SLC45A1: variants seen among roughly 807,000 people sequenced by gnomAD.
The protein encoded by SLC45A1 is proton-associated sugar transporter A.
SLC45A1 carries 28 observed loss-of-function variants against 57.6 expected under a neutral mutation model. That is an observed-to-expected ratio of 0.49 (90% CI 0.36 to 0.67). The LOEUF is 0.67. Ranked by LOEUF, SLC45A1 falls within the 30% of genes least tolerant of loss-of-function variation. The probability of loss-of-function intolerance (pLI) is 0.00; values close to 1 mark genes in which losing one functional copy is unlikely to be tolerated. For missense variants in SLC45A1, 814 were observed against 1,041.5 expected (o/e 0.78, Z 3.01); for synonymous variants, 459 against 471.5 (o/e 0.97, Z 0.34).
intron 8 of SLC45A1, among the ~76,000 whole-genome samples, chr1:8,342,444 C>T (rs1012085938): frequency 3.2e-4 from 49 of 152,178 alleles, no homozygotes; most frequent in African/African-American, 1.1e-3. Flanking sequence ...CCCACTCTCC[C>T]AGGCCTAGGT....
chr1:8,324,774 A>G (rs767247073), intron 2 of SLC45A1, 48 bp downstream of exon 2: 1 of 1,501,740 alleles, frequency 6.7e-7, no homozygotes, highest in South Asian at 1.3e-5. Flanking sequence ...GGAAGCCTCC[A>G]GAAGCCTCAT....
intron 8 of SLC45A1, among the ~76,000 whole-genome samples, chr1:8,340,403 C>T (rs942694457): frequency 3.9e-5 from 6 of 152,114 alleles, no homozygotes; most frequent in Non-Finnish European, 8.8e-5. Flanking sequence ...ACCTCATGAT[C>T]CGCCCGCCTC....
At chr1:8,336,691 T>C (rs1640620944) in intron 6 of SLC45A1, among the ~76,000 whole-genome samples, 1 of 152,172 alleles carries the variant, frequency 6.6e-6, no homozygotes, top group Admixed American at 6.5e-5. Context: ...GTTAAATATA[T>C]TAGGGTGCAC....
At chr1:8,318,757 A>G (rs1639902549) in intron 1 of SLC45A1, among the ~76,000 whole-genome samples, 2 of 152,198 alleles carry the variant, frequency 1.3e-5, no homozygotes, top group Non-Finnish European at 2.9e-5. Flanking sequence ...CATGTTTTTC[A>G]GCTCTTACAG....
Position 8,330,064 on chromosome 1 carries a change from T to G in SLC45A1, c.716-145T>G. ...GCCCGCCCTGGGAATCCTGTCCCATTTTGTTGGGGTTTAGGTGGAACAGGT... is the reference window on the plus strand; with the variant it reads ...GCCCGCCCTGGGAATCCTGTCCCATGTTGTTGGGGTTTAGGTGGAACAGGT... On this transcript the variant is annotated intron_variant, in intron 4 of 8. Transcript: ENST00000471889. This position sits in a 1 kb window ranked among gnomAD's most constrained non-coding sequence, Gnocchi z 8.4. 16 of 1,002,510 alleles carry G rather than the reference T, an allele frequency of 1.6e-5. No homozygotes were observed. The highest frequency in any genetic ancestry group is 2.2e-5 in the Non-Finnish European group (15 of 679,794). The allele number at this position is 1,002,510 out of a possible 1,614,324, so 62.1% of individuals were successfully genotyped here.
chr1:8,344,131 T>C lies in SLC45A1; in HGVS notation c.*118T>C. On this transcript the variant is annotated 3_prime_UTR_variant, in exon 9 of 9. Coordinates refer to ENST00000471889, the MANE Select transcript of SLC45A1 (RefSeq NM_001080397.3). ...GACTGGCTGCCTACTGGAATGTAAA[T>C]ATGTGATAAAATAATAAATGACAGC... is the stretch of plus-strand genomic sequence containing the variant. 1 of 954,730 alleles carries C rather than the reference T, an allele frequency of 1.0e-6. No individual in the cohort carries two copies. Among genetic ancestry groups the C allele is most frequent in the Non-Finnish European group, 1.5e-6 (1 of 661,822 alleles). 59.1% of individuals were successfully genotyped at this position (954,730 alleles called of 1,614,324 possible). A position where few individuals can be genotyped will look rare whatever the true frequency, so the allele number is the denominator to read the frequency against.
Position 8,339,572 on chromosome 1 carries a change from C to G in SLC45A1, c.1854C>G (p.Thr618=). The change falls in exon 8 of 9, where the codon ACC becomes ACG. Residue 618 remains threonine (T), a synonymous_variant. Transcript: ENST00000471889. ...FIAYLAFGLG[T]GLATLSRNLY... ...CCTATCTCGCCTTCGGCCTGGGGAC[C>G]GGGCTTGCCACCCTCTCCAGGAACC... 1.9e-6 allele frequency: 3 copies of G among 1,614,228 alleles called. No homozygotes were observed. Among genetic ancestry groups the G allele is most frequent in the Non-Finnish European group, 2.5e-6 (3 of 1,180,038 alleles).
chr1:8,343,618 G>T lies in SLC45A1; in HGVS notation c.1981-129G>T. On this transcript the variant is annotated intron_variant, in intron 8 of 8. Transcript: ENST00000471889. This position sits in a 1 kb window ranked among gnomAD's most constrained non-coding sequence, Gnocchi z 7.7. ...CTTGGCTGAACTCCCTGTGCATGTTGGCGCTGAAAAATGTGAGGCCGCTGT... is the reference window on the plus strand; with the variant it reads ...CTTGGCTGAACTCCCTGTGCATGTTTGCGCTGAAAAATGTGAGGCCGCTGT... 1.1e-6 allele frequency: 1 copy of T among 907,372 alleles called. No individual in the cohort carries two copies. Among genetic ancestry groups the T allele is most frequent in the Non-Finnish European group, 1.7e-6 (1 of 597,416 alleles). 56.2% of individuals were successfully genotyped at this position (907,372 alleles called of 1,614,324 possible). A position where few individuals can be genotyped will look rare whatever the true frequency, so the allele number is the denominator to read the frequency against.
chr1:8,326,030 G>T lies in SLC45A1; in HGVS notation c.703G>T (p.Ala235Ser). ...CCAGGACCGAGGCCTGAACATCCAC[G>T]CCCTCCTGGCAGGTGAGTCTCCGCA... ...ADQDRGLNIH[A>S]LLAGLGGGFG... is the part of the protein sequence containing the mutation. Residue 235 changes from alanine to serine, a missense_variant, in exon 4 of 9, where the codon GCC (alanine) becomes TCC (serine). Ala to Ser is a moderately conservative substitution (Grantham distance 99, BLOSUM62 1). Coordinates refer to ENST00000471889, the MANE Select transcript of SLC45A1 (RefSeq NM_001080397.3). The surrounding 1 kb of genome is among the most constrained non-coding windows in gnomAD (Gnocchi z 5.5). 2 of 1,602,746 alleles carry T rather than the reference G, an allele frequency of 1.2e-6. No individual in the cohort carries two copies. The highest frequency in any genetic ancestry group is 1.7e-6 in the Non-Finnish European group (2 of 1,179,848).
chr1:8,331,260 TA>T (rs1461259590), intron 5 of SLC45A1, among the ~76,000 whole-genome samples: 2 of 150,986 alleles, frequency 1.3e-5, no homozygotes, highest in Admixed American at 6.6e-5. Flanking sequence ...AAAATATTTT[TA>T]AAAAACACTT....
rs201811255 is a variant in SLC45A1 at position 8,330,467 on chromosome 1, G to A, written c.974G>A (p.Ser325Asn). The A allele has an allele frequency of 8.1e-6, 13 of 1,612,540 alleles. No homozygotes were observed. Among genetic ancestry groups the A allele is most frequent in the Middle Eastern group, 1.6e-4 (1 of 6,062 alleles). ...PVLPEEGPGDSLPSHTATNFS... is the reference protein window; with the variant it reads ...PVLPEEGPGDNLPSHTATNFS... ...CTGCCAGAGGAAGGCCCTGGCGACA[G>A]CCTCCCGTCGCACACGGCCACCAAC... The change falls in exon 5 of 9, where the codon AGC becomes AAC. Residue 325 changes from serine to asparagine, a missense_variant. By Grantham distance (46) the Ser-to-Asn change is conservative. Coordinates refer to ENST00000471889, the MANE Select transcript of SLC45A1 (RefSeq NM_001080397.3). The surrounding 1 kb of genome is among the most constrained non-coding windows in gnomAD (Gnocchi z 8.4).
At chr1:8,340,320 G>T (rs1169720601) in intron 8 of SLC45A1, among the ~76,000 whole-genome samples, 1 of 151,890 alleles carries the variant, frequency 6.6e-6, no homozygotes, top group African/African-American at 2.4e-5. Flanking sequence ...GCACCACCAT[G>T]CCCAGCTAAT....
chr1:8,334,732 T>C (rs1640551807), intron 5 of SLC45A1, among the ~76,000 whole-genome samples: 1 of 151,904 alleles, frequency 6.6e-6, no homozygotes, highest in African/African-American at 2.4e-5. Flanking sequence ...AACAACGAAA[T>C]AACAAGCTCC....
Position 8,343,341 on chromosome 1 carries a change from T to C in SLC45A1, c.1981-406T>C, listed in dbSNP as rs539205355. Among the ~76,000 whole-genome samples, 24 of 152,278 alleles carry C rather than the reference T, an allele frequency of 1.6e-4. No homozygotes were observed. The highest frequency in any genetic ancestry group is 5.5e-4 in the African/African-American group (23 of 41,570). On this transcript the variant is annotated intron_variant, in intron 8 of 8. Coordinates refer to ENST00000471889, the MANE Select transcript of SLC45A1 (RefSeq NM_001080397.3). This position sits in a 1 kb window ranked among gnomAD's most constrained non-coding sequence, Gnocchi z 7.7. ...TCGGACAGAGGACCAGCGGCTGTCA[T>C]GTGCAGAGGACTTTGGGGGTGTAGG...
Position 8,335,703 on chromosome 1 carries a change from C to T in SLC45A1, c.1597+113C>T. On this transcript the variant is annotated intron_variant, in intron 6 of 8. Coordinates refer to ENST00000471889, the MANE Select transcript of SLC45A1 (RefSeq NM_001080397.3). The surrounding 1 kb of genome is among the most constrained non-coding windows in gnomAD (Gnocchi z 4.1). ...CTTCCCAGAACCTTTCTGAGTTCAC[C>T]AGCCCCCAACAACAGCACCAAGGGC... 3 of 1,213,368 alleles carry T rather than the reference C, an allele frequency of 2.5e-6. No individual in the cohort carries two copies. The South Asian group carries it at 4.7e-5, about 19-fold the overall frequency. 75.2% of individuals were successfully genotyped at this position (1,213,368 alleles called of 1,614,324 possible).
At chr1:8,333,504 C>T (rs531679642) in intron 5 of SLC45A1, among the ~76,000 whole-genome samples, 26 of 152,190 alleles carry the variant, frequency 1.7e-4, no homozygotes, top group East Asian at 9.7e-4. Flanking sequence ...GGTGCATTCA[C>T]GGCTCACTGC....
chr1:8,338,060 G>T, intron 7 of SLC45A1, 68 bp downstream of exon 7: 1 of 1,456,832 alleles, frequency 6.9e-7, no homozygotes, highest in Non-Finnish European at 9.4e-7. Flanking sequence ...CATGCGAAAT[G>T]AAGGCAGGTT....
In SLC45A1 at chr1:8,330,905, G is replaced by A. The variant is rs1440232961; in HGVS notation, c.1412G>A (p.Ser471Asn). The change falls in exon 5 of 9, where the codon AGC becomes AAC. Residue 471 changes from serine to asparagine, a missense_variant. Transcript: ENST00000471889. The surrounding 1 kb of genome is among the most constrained non-coding windows in gnomAD (Gnocchi z 8.4). ...DAAGGGGPET[S>N]RRRNVTFSQQ... ...GCCGGAGGAGGGGGTCCCGAAACCA[G>A]CAGGAGAAGGAATGTGACCTTCAGT... 3 of 1,600,018 alleles carry A rather than the reference G, an allele frequency of 1.9e-6. No homozygotes were observed. Among genetic ancestry groups the A allele is most frequent in the Non-Finnish European group, 2.6e-6 (3 of 1,170,416 alleles).
intron 8 of SLC45A1, 62 bp downstream of exon 8, chr1:8,339,760 G>C (rs1640752212): frequency 6.9e-7 from 1 of 1,439,974 alleles, no homozygotes; most frequent in East Asian, 2.3e-5. Flanking sequence ...CCTGAGAACT[G>C]TCCCCCAGGA....
Sources: allele counts gnomAD v4.1 joint callset (sites outside exome capture counted in the v4.1 genomes callset), GRCh38; gene constraint gnomAD v4.1.1; non-coding constraint Gnocchi (gnomAD v3.1); transcripts MANE v1.5; gene names NCBI Gene and HGNC (gene_info 2026-07-23, HGNC 2026-07-21).